The following ADAM19 variants were observed in gnomAD, a reference collection of about 807,000 sequenced individuals.
The protein encoded by ADAM19 is disintegrin and metalloproteinase domain-containing protein 19.
In ADAM19, 65 loss-of-function variants were observed where a neutral mutation model predicts 114.7. The ratio of observed to expected loss-of-function variants is 0.57; its 90% CI spans 0.46 to 0.70. ADAM19 has a LOEUF of 0.70. Ranked by LOEUF, ADAM19 falls within the 30% of genes least tolerant of loss-of-function variation. The pLI, the probability that ADAM19 is intolerant of heterozygous loss-of-function variation, is 0.00. For synonymous variants in ADAM19, 466 were observed against 460.5 expected (o/e 1.01, Z -0.15); for missense variants, 1,063 against 1,204.7 (o/e 0.88, Z 1.74).
rs1007591734 is a variant in ADAM19, at chr5:157,489,151, C to G, written c.2276G>C (p.Gly759Ala). Residue 759 changes from glycine to alanine, a missense_variant, in exon 20 of 23, where the codon GGT (glycine) becomes GCT (alanine). Physicochemically the swap from Gly to Ala is moderately conservative, Grantham distance 60 (BLOSUM62 0). Coordinates refer to ENST00000257527, the MANE Select transcript of ADAM19 (RefSeq NM_033274.5). Reference protein sequence around the residue: ...PFRVSQNSGTGHANPTFKLQT... With the variant: ...PFRVSQNSGTAHANPTFKLQT... ...CAGCTTGAAAGTTGGGTTGGCATGA[C>G]CAGTCCCGCTGTTCTGAGAAACCCT... 1.2e-6 allele frequency: 2 copies of G among 1,614,108 alleles called. No individual in the cohort carries two copies. Among genetic ancestry groups the G allele is most frequent in the Admixed American group, 1.7e-5 (1 of 60,010 alleles).
Position 157,478,610 on chromosome 5 carries a change from T to C in ADAM19, c.*2339A>G, listed in dbSNP as rs559499178. 94 of 985,812 alleles carry C rather than the reference T, an allele frequency of 9.5e-5. No individual in the cohort carries two copies. The South Asian group carries it at 3.9e-3, about 41-fold the overall frequency. The allele number at this position is 985,812 out of a possible 1,614,324, so 61.1% of individuals were successfully genotyped here. ...ACTGGAAAGAAAAGGGGATGCATAA[T>C]GGCCAGTCTTCCTCCTGGGCAGCCT... On this transcript the variant is annotated 3_prime_UTR_variant, in exon 23 of 23. Coordinates refer to ENST00000257527, the MANE Select transcript of ADAM19 (RefSeq NM_033274.5).
intron 18 of ADAM19, among the ~76,000 whole-genome samples, chr5:157,490,694 C>G (rs187101366): frequency 2.4e-4 from 36 of 152,190 alleles, no homozygotes; most frequent in African/African-American, 8.7e-4. Flanking sequence ...GAGATCAAGA[C>G]CATCCTGACC....
rs1754662902 is a variant in ADAM19 at position 157,478,579 on chromosome 5, C to T, written c.*2370G>A. On this transcript the variant is annotated 3_prime_UTR_variant, in exon 23 of 23. Transcript: ENST00000257527. ...GTATTTGACACCTCAAAACAGCATA[C>T]TGGGCACTGGAAAGAAAAGGGGATG... 2 of 985,712 alleles carry T rather than the reference C, an allele frequency of 2.0e-6. No homozygotes were observed. The highest frequency in any genetic ancestry group is 2.4e-6 in the Non-Finnish European group (2 of 829,936). The allele number at this position is 985,712 out of a possible 1,614,324, so 61.1% of individuals were successfully genotyped here. A position where few individuals can be genotyped will look rare whatever the true frequency, so the allele number is the denominator to read the frequency against.
intron 1 of ADAM19, chr5:157,572,338 G>A (rs190632385): frequency 4.7e-5 from 21 of 443,506 alleles, no homozygotes; most frequent in Admixed American, 3.2e-4. Context: ...TGTTCAGGGC[G>A]CTGCAGAACT....
At chr5:157,539,583 T>A (rs925465773) in intron 3 of ADAM19, among the ~76,000 whole-genome samples, 6 of 152,146 alleles carry the variant, frequency 3.9e-5, no homozygotes, top group Non-Finnish European at 5.9e-5. Flanking sequence ...ACTTCTCGCC[T>A]TGGACAAGAA....
intron 3 of ADAM19, among the ~76,000 whole-genome samples, chr5:157,548,629 G>A (rs1170803610): frequency 1.3e-5 from 2 of 152,164 alleles, no homozygotes; most frequent in Non-Finnish European, 2.9e-5. Flanking sequence ...TCAGCCAAAG[G>A]TCTGTGTATG....
At chr5:157,567,801 A>C (rs1581361323) in intron 2 of ADAM19, among the ~76,000 whole-genome samples, 2 of 69,600 alleles carry the variant, frequency 2.9e-5, no homozygotes, top group Non-Finnish European at 5.4e-5. Flanking sequence ...CCGTCTAAAC[A>C]AAAAAAAAAA....
At chr5:157,568,003 T>A (rs1319646475) in intron 2 of ADAM19, 1 of 149,336 alleles carries the variant, frequency 6.7e-6, no homozygotes, top group Non-Finnish European at 1.5e-5. Flanking sequence ...TTAAACAGAG[T>A]CTCGCTCTGT....
At chr5:157,522,709 C>T (rs1756337709) in intron 5 of ADAM19, among the ~76,000 whole-genome samples, 2 of 152,270 alleles carry the variant, frequency 1.3e-5, no homozygotes, top group Non-Finnish European at 2.9e-5. Flanking sequence ...TTGCTTGAAC[C>T]TGGGAGGCGG....
chr5:157,483,791 G>A (rs35474055), intron 21 of ADAM19, among the ~76,000 whole-genome samples: 6,361 of 151,988 alleles, frequency 0.042, 202 homozygotes, highest in Middle Eastern at 0.089. Context: ...CCACCACCAT[G>A]CCCAGCTAAT....
intron 22 of ADAM19, chr5:157,481,443 C>T: frequency 1.4e-6 from 1 of 729,332 alleles, no homozygotes; most frequent in Non-Finnish European, 2.2e-6. Context: ...CACTTCCTTG[C>T]TCTTCACAAC....
chr5:157,499,031 T>C (rs1010188552), intron 13 of ADAM19, among the ~76,000 whole-genome samples: 4 of 152,138 alleles, frequency 2.6e-5, no homozygotes, highest in Non-Finnish European at 4.4e-5. Flanking sequence ...ACATCAATAT[T>C]AGGAATGTGG....
chr5:157,518,702 C>G, intron 7 of ADAM19, 121 bp downstream of exon 7: 1 of 934,232 alleles, frequency 1.1e-6, no homozygotes, highest in South Asian at 1.4e-5. Flanking sequence ...GATTTAAGGT[C>G]AAAATCATAG....
intron 13 of ADAM19, among the ~76,000 whole-genome samples, chr5:157,498,395 C>G (rs1023923293): frequency 3.9e-5 from 6 of 152,218 alleles, no homozygotes; most frequent in African/African-American, 1.4e-4. Flanking sequence ...GCTCCTTAAC[C>G]GGCAGCGGGG....
rs1757954250 is a variant in ADAM19, at chr5:157,575,681, C to G, written c.16G>C (p.Gly6Arg). The change falls in exon 1 of 23, where the codon GGC becomes CGC. Residue 6 changes from glycine to arginine, a missense_variant. Around this residue, in one of 3 missense-constraint regions of ADAM19, gnomAD observed 615 missense variants for 706.3 expected, o/e 0.87. Coordinates refer to ENST00000257527, the MANE Select transcript of ADAM19 (RefSeq NM_033274.5). ...GCCAGCAAGCAGAGCCGGGCGGCGC[C>G]TGCGCCCCCTGGCATGGTGGCGGCG... MPGGA[G>R]AARLCLLAFA... The G allele has an allele frequency of 7.4e-7, 1 of 1,344,434 alleles. No individual in the cohort carries two copies. The allele number at this position is 1,344,434 out of a possible 1,614,324, so 83.3% of individuals were successfully genotyped here. A position where few individuals can be genotyped will look rare whatever the true frequency, so the allele number is the denominator to read the frequency against.
chr5:157,520,631 G>A (rs1029259692), intron 5 of ADAM19, among the ~76,000 whole-genome samples: 1 of 152,114 alleles, frequency 6.6e-6, no homozygotes, highest in Non-Finnish European at 1.5e-5. Context: ...TCCCTAACAC[G>A]GCAATGATAA....
chr5:157,575,165 G>A (rs2113807001), intron 1 of ADAM19, among the ~76,000 whole-genome samples: 1 of 152,364 alleles, frequency 6.6e-6, no homozygotes, highest in East Asian at 1.9e-4. Context: ...GTCCCAGGAA[G>A]CCGCTCCCAG....
chr5:157,560,821 T>C (rs1393505533), intron 3 of ADAM19, among the ~76,000 whole-genome samples: 1 of 152,228 alleles, frequency 6.6e-6, no homozygotes, highest in African/African-American at 2.4e-5. Flanking sequence ...TTGCTACATG[T>C]TTTACAATGA....
At chr5:157,514,773 A>G (rs1006649772) in intron 7 of ADAM19, among the ~76,000 whole-genome samples, 2 of 152,216 alleles carry the variant, frequency 1.3e-5, no homozygotes, top group Non-Finnish European at 2.9e-5. Flanking sequence ...TCTGAGCTGC[A>G]ATGATGAAGG....
Sources: allele counts gnomAD v4.1 joint callset (sites outside exome capture counted in the v4.1 genomes callset), GRCh38; gene constraint gnomAD v4.1.1; regional missense constraint gnomAD v4.1.1; transcripts MANE v1.5; gene names NCBI Gene and HGNC (gene_info 2026-07-23, HGNC 2026-07-21).